Variants in DHX57 observed in about 807,000 individuals in gnomAD.
The protein encoded by DHX57 is DExH-box helicase 57.
In DHX57, 105 loss-of-function variants were observed where a neutral mutation model predicts 156.2. That is an observed-to-expected ratio of 0.67 (90% CI 0.57 to 0.79). DHX57 has a LOEUF of 0.79. Ranked by LOEUF, DHX57 falls within the 30% of genes least tolerant of loss-of-function variation. The probability of loss-of-function intolerance (pLI) is 0.00; values close to 1 mark genes in which losing one functional copy is unlikely to be tolerated. For missense variants in DHX57, 1,847 were observed against 1,661.9 expected (o/e 1.11, Z -1.94); for synonymous variants, 704 against 595.6 (o/e 1.18, Z -2.65).
intron 5 of DHX57, among the ~76,000 whole-genome samples, chr2:38,860,618 A>G (rs552147800): frequency 4.6e-5 from 7 of 152,186 alleles, no homozygotes; most frequent in Non-Finnish European, 1.0e-4. Context: ...AGAAAGCAAA[A>G]TATCTCTAAA....
intron 9 of DHX57, among the ~76,000 whole-genome samples, chr2:38,852,080 C>G (rs1479960113): frequency 2.0e-5 from 3 of 151,672 alleles, no homozygotes; most frequent in Admixed American, 6.6e-5. Context: ...TTCTTTTTAT[C>G]TAAAAGTCTT....
chr2:38,862,133 C>A lies in DHX57; in HGVS notation c.572+12G>T. 6.3e-7 allele frequency: 1 copy of A among 1,581,010 alleles called. No homozygotes were observed. Among genetic ancestry groups the A allele is most frequent in the South Asian group, 1.1e-5 (1 of 87,170 alleles). ...TTCTTTCCCAACTCCCATAAATGAT[C>A]AAAGCAATCACCTGGAAAGTTTTTG... On this transcript the variant is annotated intron_variant, in intron 4 of 23. Coordinates refer to ENST00000457308, the MANE Select transcript of DHX57 (RefSeq NM_198963.3).
intron 13 of DHX57, among the ~76,000 whole-genome samples, chr2:38,834,231 T>C (rs936262417): frequency 4.7e-5 from 7 of 150,240 alleles, no homozygotes; most frequent in African/African-American, 1.7e-4. Flanking sequence ...CTTGGGAGGC[T>C]GAGGCAGGAG....
At chr2:38,812,878 C>T (rs1017933703) in intron 21 of DHX57, among the ~76,000 whole-genome samples, 5 of 79,592 alleles carry the variant, frequency 6.3e-5, no homozygotes, top group Admixed American at 4.5e-4. Flanking sequence ...GACAGAGTCT[C>T]GGTCTGTGGC....
Position 38,855,107 on chromosome 2 carries a change from C to T in DHX57, c.1855G>A (p.Glu619Lys), listed in dbSNP as rs571716433. Residue 619 changes from glutamate (E) to lysine (K), a missense_variant, in exon 8 of 24, where the codon GAG becomes AAG. By Grantham distance (56) the Glu-to-Lys change is moderately conservative. Coordinates refer to ENST00000457308, the MANE Select transcript of DHX57 (RefSeq NM_198963.3). ...VAERVAKERA[E>K]RVGLTVGYQI... Reference sequence around the variant, plus strand: ...TATCCCACGGTCAGACCCACCCTCTCTGCTCTTTCTTTAGCAACGCGTTCA... The same window carrying T: ...TATCCCACGGTCAGACCCACCCTCTTTGCTCTTTCTTTAGCAACGCGTTCA... 5.0e-6 allele frequency: 8 copies of T among 1,614,028 alleles called. No homozygotes were observed. Among genetic ancestry groups the T allele is most frequent in the Non-Finnish European group, 6.8e-6 (8 of 1,180,052 alleles).
chr2:38,802,290 T>G, intron 23 of DHX57, among the ~76,000 whole-genome samples: 1 of 34,572 alleles, frequency 2.9e-5, no homozygotes, highest in East Asian at 2.3e-3. Flanking sequence ...ATCATTCACT[T>G]TTTTTTTTTT....
intron 10 of DHX57, among the ~76,000 whole-genome samples, 172 bp downstream of exon 10, chr2:38,848,097 C>T (rs2124893310): frequency 6.6e-6 from 1 of 152,098 alleles, no homozygotes; most frequent in East Asian, 1.9e-4. Flanking sequence ...AAAAAAATCT[C>T]CCAGCAAGAT....
intron 19 of DHX57, among the ~76,000 whole-genome samples, chr2:38,816,868 A>G (rs1440711691): frequency 2.0e-5 from 3 of 152,032 alleles, no homozygotes; most frequent in African/African-American, 7.3e-5. Context: ...TGTTTGATGG[A>G]CCTCATAAGT....
intron 20 of DHX57, among the ~76,000 whole-genome samples, chr2:38,814,320 CCTAATTT>C (rs1274235749): frequency 6.6e-6 from 1 of 152,124 alleles, no homozygotes; most frequent in East Asian, 1.9e-4. Context: ...AAAAAGAGCA[CCTAATTT>C]CTATCTCTTT....
intron 21 of DHX57, chr2:38,811,621 TG>T (rs1670252837): frequency 1.5e-6 from 2 of 1,369,982 alleles, no homozygotes; most frequent in East Asian, 4.7e-5. Context: ...AGGCCGGCAC[TG>T]TAGGCCAGAA....
At chr2:38,854,564 T>TG (rs151295149) in intron 8 of DHX57, 31,078 of 150,182 alleles carry the variant, frequency 0.21, 3,824 homozygotes, top group Non-Finnish European at 0.27. Flanking sequence ...GAGTTTTTTT[T>TG]TTTTTTTTTT....
chr2:38,847,159 A>G, intron 10 of DHX57, 86 bp from the exon 11 acceptor site: 1 of 1,080,658 alleles, frequency 9.3e-7, no homozygotes, highest in Admixed American at 2.4e-5. Flanking sequence ...AATTCTCTTA[A>G]AGCTTGTCAT....
At chr2:38,833,439 G>A (rs571309493) in intron 13 of DHX57, among the ~76,000 whole-genome samples, 14 of 152,200 alleles carry the variant, frequency 9.2e-5, no homozygotes, top group African/African-American at 9.6e-5. Context: ...CACAGCACCC[G>A]GCCTATTTTT....
intron 8 of DHX57, 93 bp downstream of exon 8, chr2:38,854,964 C>G: frequency 8.2e-7 from 1 of 1,214,248 alleles, no homozygotes; most frequent in Non-Finnish European, 1.2e-6. Context: ...AAGTATATAT[C>G]CCAAATTGCC....
chr2:38,814,460 T>C (rs973221747), intron 20 of DHX57, among the ~76,000 whole-genome samples: 1 of 152,156 alleles, frequency 6.6e-6, no homozygotes, highest in Non-Finnish European at 1.5e-5. Flanking sequence ...CCAGTGTTCC[T>C]GAGTATAAAT....
intron 16 of DHX57, among the ~76,000 whole-genome samples, chr2:38,824,584 G>A (rs1670997141): frequency 6.6e-6 from 1 of 152,130 alleles, no homozygotes; most frequent in Admixed American, 6.6e-5. Context: ...AGGTATTTAT[G>A]AAAAAGGTTT....
intron 13 of DHX57, among the ~76,000 whole-genome samples, chr2:38,829,415 G>C (rs1425121076): frequency 6.6e-6 from 1 of 151,934 alleles, no homozygotes; most frequent in Admixed American, 6.6e-5. Context: ...CTGAGTAGCT[G>C]GGATTACAGG....
chr2:38,832,624 C>T (rs1558377323), intron 13 of DHX57, among the ~76,000 whole-genome samples: 1 of 150,882 alleles, frequency 6.6e-6, no homozygotes, highest in African/African-American at 2.4e-5. Flanking sequence ...TGGTTCACTG[C>T]AATCTCCACA....
chr2:38,868,212 C>A lies in DHX57; in HGVS notation c.194G>T (p.Cys65Phe). The A allele has an allele frequency of 1.2e-6, 2 of 1,614,050 alleles. No homozygotes were observed. The highest frequency in any genetic ancestry group is 1.7e-6 in the Non-Finnish European group (2 of 1,180,032). The stretch of plus-strand genomic sequence containing the variant: ...AGGGCGCCTTGATTCACTGAAGATA[C>A]AAAAGTCATCTCCATCATCCCATAT... ...SRIWDDGDDF[C>F]IFSESRRPSR... The change falls in exon 2 of 24, where the codon TGT (cysteine) becomes TTT (phenylalanine). Residue 65 changes from cysteine (C) to phenylalanine (F), a missense_variant. Physicochemically the swap from Cys to Phe is radical, Grantham distance 205 (BLOSUM62 -2). Transcript: ENST00000457308.
Sources: gnomAD v4.1 joint callset for allele counts (sites outside exome capture counted in the v4.1 genomes callset) on GRCh38, gnomAD v4.1.1 for gene constraint, MANE v1.5 for transcripts, NCBI Gene and HGNC (gene_info 2026-07-23, HGNC 2026-07-21) for gene names.